The following TASP1 variants were observed in gnomAD, a reference collection of about 807,000 sequenced individuals.
The protein encoded by TASP1 is taspase 1.
A neutral mutation model predicts 56.6 loss-of-function variants in TASP1; 16 were observed. The ratio of observed to expected loss-of-function variants is 0.28; its 90% CI spans 0.19 to 0.43. The LOEUF is 0.43. Among genes scored for constraint, TASP1 ranks in the 20% least tolerant of loss-of-function variants. TASP1 has a pLI of 1.00. For missense variants in TASP1, 393 were observed against 511.6 expected (o/e 0.77, Z 2.24); for synonymous variants, 179 against 184.2 (o/e 0.97, Z 0.23).
At chr20:13,321,275 A>AAAAAAAAAAAAAAAAAAAAAAAAAAT in the TASP1 span, among the ~76,000 whole-genome samples, 1 of 150,522 alleles carries the variant, frequency 6.6e-6, no homozygotes, top group African/African-American at 2.4e-5. Flanking sequence ...AAAAAAAAAA[A>AAAAAAAAAAAAAAAAAAAAAAAAAAT]AGATTTTATG....
the TASP1 span, among the ~76,000 whole-genome samples, chr20:13,189,474 A>G: frequency 6.6e-6 from 1 of 152,184 alleles, no homozygotes; most frequent in Non-Finnish European, 1.5e-5. Context: ...AAACATCACC[A>G]TTAAAAAGTG....
the TASP1 span, among the ~76,000 whole-genome samples, chr20:13,130,586 C>G: frequency 1.3e-5 from 2 of 152,242 alleles, no homozygotes; most frequent in Non-Finnish European, 1.5e-5. Flanking sequence ...CACAAACAGC[C>G]ACCTTCACTC....
chr20:13,627,721 G>A (rs1402981845), intron 2 of TASP1, among the ~76,000 whole-genome samples: 8 of 97,470 alleles, frequency 8.2e-5, no homozygotes, highest in Non-Finnish European at 1.1e-4. Flanking sequence ...CAACAAGAGC[G>A]AAACTTAGTC....
At chr20:13,378,471 GCTGAGGAGTGTTTTA>G in the TASP1 span, among the ~76,000 whole-genome samples, 1 of 152,178 alleles carries the variant, frequency 6.6e-6, no homozygotes, top group Non-Finnish European at 1.5e-5. Context: ...TTTTGCATTT[GCTGAGGAGTGTTTTA>G]CTTCCAATTA....
intron 12 of TASP1, among the ~76,000 whole-genome samples, chr20:13,427,270 C>T (rs973628199): frequency 2.0e-5 from 3 of 152,278 alleles, no homozygotes; most frequent in Admixed American, 2.0e-4. Flanking sequence ...AGCATCAATT[C>T]AATTTAACAT....
At chr20:13,110,403 A>G in the TASP1 span, among the ~76,000 whole-genome samples, 144 of 152,230 alleles carry the variant, frequency 9.5e-4, 3 homozygotes, top group South Asian at 0.017. Context: ...TGATGACTCT[A>G]TATATGGCAC....
chr20:13,407,322 T>C (rs747953985), intron 13 of TASP1, among the ~76,000 whole-genome samples: 2 of 152,220 alleles, frequency 1.3e-5, no homozygotes, highest in Non-Finnish European at 2.9e-5. Flanking sequence ...AACAAAATCA[T>C]ACACTATGTG....
chr20:13,605,995 C>T (rs756806197), intron 4 of TASP1, among the ~76,000 whole-genome samples: 3 of 152,130 alleles, frequency 2.0e-5, no homozygotes, highest in Non-Finnish European at 4.4e-5. Context: ...GCCCACACTG[C>T]GATTCTGAGC....
intron 13 of TASP1, among the ~76,000 whole-genome samples, chr20:13,416,841 G>A (rs923245999): frequency 2.0e-5 from 3 of 152,186 alleles, no homozygotes; most frequent in East Asian, 3.9e-4. Context: ...AAGCAACTCC[G>A]GAGATAGTAT....
rs938596917 is a variant in TASP1, at chr20:13,446,729, A to C, written c.986-11575T>G. On this transcript the variant is annotated intron_variant, in intron 11 of 13. Coordinates refer to ENST00000337743, the MANE Select transcript of TASP1 (RefSeq NM_017714.3). ...CGGAGTTCTTTGTATATCCTTTCTG[A>C]AATTATCCATATGTAATCTGGGCAT... is the stretch of plus-strand genomic sequence containing the variant. Among the ~76,000 whole-genome samples the C allele has an allele frequency of 9.0e-4, 137 of 152,286 alleles. 1 individual carries two copies. Among genetic ancestry groups the C allele is most frequent in the African/African-American group, 3.2e-3 (133 of 41,582 alleles).
chr20:13,132,568 A>T, the TASP1 span, among the ~76,000 whole-genome samples: 1 of 152,182 alleles, frequency 6.6e-6, no homozygotes, highest in Non-Finnish European at 1.5e-5. Context: ...AAACTCCAGG[A>T]GAACAAGCAC....
intron 8 of TASP1, among the ~76,000 whole-genome samples, chr20:13,557,279 AAAG>A (rs2046189081): frequency 6.6e-6 from 1 of 152,256 alleles, no homozygotes; most frequent in Admixed American, 6.5e-5. Context: ...CAGTAATAAA[AAAG>A]AATAAATCGG....
chr20:13,342,446 G>T, the TASP1 span, among the ~76,000 whole-genome samples: 1 of 152,312 alleles, frequency 6.6e-6, no homozygotes, highest in East Asian at 1.9e-4. Context: ...TCTGAAATCT[G>T]GTGGGGACAG....
the TASP1 span, among the ~76,000 whole-genome samples, chr20:13,142,125 T>C: frequency 3.3e-5 from 5 of 152,358 alleles, no homozygotes; most frequent in African/African-American, 7.2e-5. Flanking sequence ...AGGGTAGACT[T>C]TTATGAAAGC....
the TASP1 span, among the ~76,000 whole-genome samples, chr20:13,258,966 A>G: frequency 6.6e-6 from 1 of 152,140 alleles, no homozygotes; most frequent in Admixed American, 6.5e-5. Context: ...AAAACCTTAC[A>G]GATGGCGAGC....
downstream of TASP1, among the ~76,000 whole-genome samples, chr20:13,386,266 A>C (rs2041162034): frequency 6.6e-6 from 1 of 152,218 alleles, no homozygotes; most frequent in Non-Finnish European, 1.5e-5. Flanking sequence ...TGCAGGCTAT[A>C]GAACCCCATT....
At chr20:13,633,617 T>C (rs987504718) in intron 1 of TASP1, among the ~76,000 whole-genome samples, 6 of 152,206 alleles carry the variant, frequency 3.9e-5, no homozygotes, top group East Asian at 1.9e-4. Context: ...GAAAAATAAA[T>C]CATGAATGTA....
chr20:13,510,602 A>G (rs1046745605), intron 10 of TASP1, among the ~76,000 whole-genome samples: 3 of 152,208 alleles, frequency 2.0e-5, no homozygotes, highest in African/African-American at 4.8e-5. Context: ...TACCTAATCT[A>G]TAACTTTTCT....
intron 11 of TASP1, among the ~76,000 whole-genome samples, chr20:13,461,225 T>C (rs59388287): frequency 0.059 from 8,914 of 152,252 alleles, 369 homozygotes; most frequent in African/African-American, 0.12. Context: ...AAACTTACCC[T>C]GACCATGCTC....
Sources: gnomAD v4.1 joint callset for allele counts (sites outside exome capture counted in the v4.1 genomes callset) on GRCh38, gnomAD v4.1.1 for gene constraint, MANE v1.5 for transcripts, NCBI Gene and HGNC (gene_info 2026-07-23, HGNC 2026-07-21) for gene names.